Variants in MAP3K15 observed in about 807,000 individuals in gnomAD.
MAP3K15 encodes the protein MAPK/ERK kinase kinase 15.
A neutral mutation model predicts 99.5 loss-of-function variants in MAP3K15; 124 were observed. The observed-to-expected ratio is 1.25, with a 90% CI of 1.08 to 1.45. The LOEUF (loss-of-function observed/expected upper bound fraction) is 1.45. Among genes scored for constraint, MAP3K15 ranks in the 40% most tolerant of loss-of-function variants. MAP3K15 has a pLI of 0.00. For synonymous variants in MAP3K15, 494 were observed against 439.6 expected (o/e 1.12, Z -1.55); for missense variants, 1,242 against 1,079.7 (o/e 1.15, Z -2.11).
At chrX:19,483,079 T>A (rs1316138323) in intron 3 of MAP3K15, among the ~76,000 whole-genome samples, 1 of 101,788 alleles carries the variant, frequency 9.8e-6, no homozygotes, top group Non-Finnish European at 1.9e-5. Flanking sequence ...TGAAACCCTG[T>A]CTCTACTAAA....
intron 3 of MAP3K15, among the ~76,000 whole-genome samples, chrX:19,468,706 G>A (rs976780280): frequency 1.4e-4 from 16 of 111,601 alleles, no homozygotes; most frequent in Admixed American, 5.7e-4. Context: ...ATTACCTTGG[G>A]CAGTATGGCC....
chrX:19,482,175 A>G (rs1485624378), intron 3 of MAP3K15: 1 of 91,937 alleles, frequency 1.1e-5, no homozygotes, highest in Non-Finnish European at 2.1e-5. Flanking sequence ...GTGAGATTCC[A>G]GCTCAAAAAA....
chrX:19,485,913 G>T (rs1421121015), intron 3 of MAP3K15, among the ~76,000 whole-genome samples: 1 of 111,263 alleles, frequency 9.0e-6, no homozygotes, highest in Non-Finnish European at 1.9e-5. Context: ...TTTTAGGGTG[G>T]TGATTTCATT....
chrX:19,457,520 G>A (rs1476444796), intron 5 of MAP3K15, among the ~76,000 whole-genome samples: 1 of 111,698 alleles, frequency 9.0e-6, no homozygotes, highest in Non-Finnish European at 1.9e-5. Context: ...GCTGAGGCAG[G>A]AGAATTGATT....
intron 1 of MAP3K15, among the ~76,000 whole-genome samples, chrX:19,499,910 T>A (rs1289648598): frequency 4.4e-5 from 5 of 112,605 alleles, no homozygotes; most frequent in Non-Finnish European, 9.4e-5. Context: ...CAGCTGAGAT[T>A]TGTATATCAC....
At chrX:19,498,318 G>C (rs1225571968) in intron 1 of MAP3K15, among the ~76,000 whole-genome samples, 1 of 111,047 alleles carries the variant, frequency 9.0e-6, no homozygotes. Flanking sequence ...GGTGCAGGTG[G>C]GGGAGGGTGC....
At chrX:19,447,833 G>T (rs373683263) in intron 6 of MAP3K15, among the ~76,000 whole-genome samples, 2 of 77,534 alleles carry the variant, frequency 2.6e-5, no homozygotes, top group African/African-American at 8.9e-5. Context: ...GCAGTGAGCC[G>T]AGATCCCGCC....
At chrX:19,423,550 T>C (rs758334177) in intron 9 of MAP3K15, among the ~76,000 whole-genome samples, 106 of 111,924 alleles carry the variant, frequency 9.5e-4, no homozygotes, top group Non-Finnish European at 1.6e-3. Context: ...GAAAGCATCA[T>C]AGTATTATTT....
intron 1 of MAP3K15, 83 bp downstream of exon 1, chrX:19,514,818 A>G (rs868769842): frequency 4.7e-5 from 6 of 129,011 alleles, no homozygotes; most frequent in South Asian, 4.0e-4. Flanking sequence ...GACGGGGGAG[A>G]AGGGCGAGGG....
chrX:19,422,234 T>G (rs1274611742), intron 9 of MAP3K15, among the ~76,000 whole-genome samples: 5 of 110,063 alleles, frequency 4.5e-5, no homozygotes, highest in Non-Finnish European at 9.5e-5. Flanking sequence ...ACCATCAGAG[T>G]GAACATGCAA....
At chrX:19,484,828 C>T (rs1602344713) in intron 3 of MAP3K15, among the ~76,000 whole-genome samples, 1 of 111,837 alleles carries the variant, frequency 8.9e-6, no homozygotes, top group South Asian at 3.7e-4. Context: ...TAGAAGGTAT[C>T]AATGAGCAAA....
intron 6 of MAP3K15, among the ~76,000 whole-genome samples, chrX:19,442,699 TATTATTATTATTATTATC>T (rs1470071475): frequency 2.0e-5 from 2 of 99,697 alleles, no homozygotes; most frequent in African/African-American, 7.8e-5. Context: ...TTTATTTTAT[TATTATTATTATTATTATC>T]ATTATTATTA....
chrX:19,413,998 T>C (rs768680572), intron 10 of MAP3K15, among the ~76,000 whole-genome samples: 27 of 109,370 alleles, frequency 2.5e-4, no homozygotes, highest in Non-Finnish European at 5.0e-4. Context: ...CTGTCTCTAC[T>C]AAAAATACAA....
chrX:19,453,185 AT>A (rs1036474625), intron 6 of MAP3K15, among the ~76,000 whole-genome samples: 1 of 111,487 alleles, frequency 9.0e-6, no homozygotes, highest in African/African-American at 3.3e-5. Context: ...TAAATTTTAT[AT>A]GTATTTTTTT....
intron 3 of MAP3K15, among the ~76,000 whole-genome samples, chrX:19,480,953 A>G (rs1366702426): frequency 9.2e-6 from 1 of 108,497 alleles, no homozygotes; most frequent in Non-Finnish European, 1.9e-5. Flanking sequence ...CATCTCTACA[A>G]AAAATAAAAA....
intron 6 of MAP3K15, among the ~76,000 whole-genome samples, chrX:19,452,437 A>G (rs911676624): frequency 9.1e-6 from 1 of 110,100 alleles, no homozygotes; most frequent in Non-Finnish European, 1.9e-5. Flanking sequence ...GAAAAAGAAA[A>G]AGAAAAAAAT....
In MAP3K15 at chrX:19,392,220, A is replaced by G. The variant is rs2063532786; in HGVS notation, c.2326-113T>C. ...AGTCTCTAGGAAAACTAGACTTTGC[A>G]TTTTGGGGACGGTTGTGCTAAATCA... On this transcript the variant is annotated intron_variant, in intron 17 of 28. Coordinates refer to ENST00000338883, the MANE Select transcript of MAP3K15 (RefSeq NM_001001671.4). The G allele has an allele frequency of 5.7e-6, 6 of 1,044,434 alleles. No individual in the cohort carries two copies. The South Asian group carries it at 6.3e-5, about 11-fold the overall frequency. The allele number at this position is 1,044,434 out of a possible 1,213,427, so 86.1% of individuals were successfully genotyped here.
At chrX:19,442,922 C>A (rs1237869123) in intron 6 of MAP3K15, among the ~76,000 whole-genome samples, 1 of 103,198 alleles carries the variant, frequency 9.7e-6, no homozygotes, top group Non-Finnish European at 2.0e-5. Flanking sequence ...CGGGGTTTCA[C>A]CATGTTGGCC....
At chrX:19,418,200 T>C (rs1334046573) in intron 9 of MAP3K15, among the ~76,000 whole-genome samples, 2 of 111,409 alleles carry the variant, frequency 1.8e-5, no homozygotes, top group African/African-American at 3.3e-5. Context: ...GAGAATGACT[T>C]TGACGAGTTA....
Sources: gnomAD v4.1 joint callset for allele counts (sites outside exome capture counted in the v4.1 genomes callset) on GRCh38, gnomAD v4.1.1 for gene constraint, MANE v1.5 for transcripts, NCBI Gene and HGNC (gene_info 2026-07-23, HGNC 2026-07-21) for gene names.